Variants in DGKK observed in about 807,000 individuals in gnomAD.
The protein encoded by DGKK is diacylglycerol kinase kappa.
Under a neutral mutation model 92.2 loss-of-function variants are expected in DGKK, and 35 were observed. The ratio of observed to expected loss-of-function variants is 0.38; its 90% CI spans 0.29 to 0.50. The LOEUF is 0.50. DGKK is among the 20% of genes least tolerant of loss of function. The probability of loss-of-function intolerance (pLI) is 0.92; values close to 1 mark genes in which losing one functional copy is unlikely to be tolerated. For missense variants in DGKK, 910 were observed against 992.2 expected (o/e 0.92, Z 1.11); for synonymous variants, 368 against 360.6 (o/e 1.02, Z -0.23).
At chrX:50,415,288 C>T (rs1410994684) in intron 4 of DGKK, among the ~76,000 whole-genome samples, 4 of 112,024 alleles carry the variant, frequency 3.6e-5, no homozygotes, top group African/African-American at 1.3e-4. Flanking sequence ...TATGGGGTTA[C>T]ATCCTGATAA....
chrX:50,416,925 T>C lies in DGKK; in HGVS notation c.942+3478A>G, dbSNP rs1435824294. Among the ~76,000 whole-genome samples, 3 of 110,302 alleles carry C rather than the reference T, an allele frequency of 2.7e-5. No individual in the cohort carries two copies. The Admixed American group carries it at 2.9e-4, about 11-fold the overall frequency. ...ACAGAAAGAAGATAATTAGGAGGAA[T>C]TTACGATATCCTCCTGAGAACTTAG... On this transcript the variant is annotated intron_variant, in intron 4 of 27. Transcript: ENST00000611977.
intron 1 of DGKK, among the ~76,000 whole-genome samples, chrX:50,460,452 G>T (rs1165963968): frequency 3.6e-5 from 4 of 111,337 alleles, no homozygotes; most frequent in African/African-American, 1.3e-4. Flanking sequence ...TGGATGTGTG[G>T]GTGGGTGGGG....
At position 50,384,145 on chromosome X, in the gene DGKK, A is replaced by G. The variant is rs1055594441; in HGVS notation, c.2549+23T>C. On this transcript the variant is annotated intron_variant, in intron 17 of 27. Transcript: ENST00000611977. Reference sequence around the variant, plus strand: ...CAAGAGAAAGAAAGAAGCCATTAAAAGGTGATAGAGTTAAATACTTACATA... The same window carrying G: ...CAAGAGAAAGAAAGAAGCCATTAAAGGGTGATAGAGTTAAATACTTACATA... The G allele has an allele frequency of 2.0e-5, 20 of 988,869 alleles. No individual in the cohort carries two copies. In the African/African-American group the frequency reaches 3.9e-4, roughly 19 times the overall value. The allele number at this position is 988,869 out of a possible 1,213,427, so 81.5% of individuals were successfully genotyped here.
At chrX:50,443,201 G>A (rs142227045) in intron 1 of DGKK, among the ~76,000 whole-genome samples, 2,459 of 110,706 alleles carry the variant, frequency 0.022, 60 homozygotes, top group African/African-American at 0.075. Context: ...CAGGAGGCAG[G>A]GATCATTTGA....
chrX:50,390,235 C>T, intron 12 of DGKK, 93 bp downstream of exon 12: 1 of 811,909 alleles, frequency 1.2e-6, no homozygotes, highest in East Asian at 3.2e-5. Context: ...CATCCTCATC[C>T]ATGCACAATG....
intron 2 of DGKK, among the ~76,000 whole-genome samples, chrX:50,423,550 A>G (rs1262938062): frequency 2.7e-5 from 3 of 111,893 alleles, no homozygotes; most frequent in Non-Finnish European, 5.6e-5. Flanking sequence ...GATGACATGG[A>G]AGGAAATGGA....
At chrX:50,422,666 C>G (rs1925630405) in intron 2 of DGKK, 140 bp from the exon 3 acceptor site, 1 of 351,152 alleles carries the variant, frequency 2.8e-6, no homozygotes. Context: ...CAGTCATGAT[C>G]CAATCATTTC....
At chrX:50,420,533 T>G in intron 3 of DGKK, 26 bp from the exon 4 acceptor site, 4 of 1,171,647 alleles carry the variant, frequency 3.4e-6, no homozygotes, top group Non-Finnish European at 2.3e-6. Context: ...CATTATTAGC[T>G]GGTTCCCACT....
At chrX:50,437,014 C>T (rs782114754) in intron 1 of DGKK, among the ~76,000 whole-genome samples, 8 of 111,470 alleles carry the variant, frequency 7.2e-5, no homozygotes, top group African/African-American at 9.8e-5. Context: ...TCTTGGTTAA[C>T]GAAAGTAATA....
In DGKK at chrX:50,459,131, C is replaced by T. The variant is rs782667329; in HGVS notation, c.645+10903G>A. 1.9e-4 allele frequency among the ~76,000 whole-genome samples: 21 copies of T among 111,648 alleles called. No individual in the cohort carries two copies. The South Asian group carries it at 3.0e-3, about 16-fold the overall frequency. On this transcript the variant is annotated intron_variant, in intron 1 of 27. Coordinates refer to ENST00000611977, the MANE Select transcript of DGKK (RefSeq NM_001013742.4). Reference sequence around the variant, plus strand: ...TGTTCCATTATTTAGGTTGGAAAAGCGATAATGCATTCCCACCACATCTAA... The same window carrying T: ...TGTTCCATTATTTAGGTTGGAAAAGTGATAATGCATTCCCACCACATCTAA...
chrX:50,432,733 C>A (rs1289961952), intron 1 of DGKK, among the ~76,000 whole-genome samples: 1 of 112,171 alleles, frequency 8.9e-6, no homozygotes, highest in Non-Finnish European at 1.9e-5. Context: ...AAAACTAGTC[C>A]GCTGGGACCA....
chrX:50,393,229 G>A lies in DGKK; in HGVS notation c.1518C>T (p.Ile506=), dbSNP rs782442563. 164 of 1,207,908 alleles carry A rather than the reference G, an allele frequency of 1.4e-4. No homozygotes were observed. Among genetic ancestry groups the A allele is most frequent in the Non-Finnish European group, 1.8e-4 (159 of 893,821 alleles). The change falls in exon 9 of 28, where the codon ATC becomes ATT. Residue 506 remains isoleucine, a synonymous_variant. Coordinates refer to ENST00000611977, the MANE Select transcript of DGKK (RefSeq NM_001013742.4). The part of the protein sequence containing the change: ...INSKSGDHQG[I]VFLRKFKQYL... The stretch of plus-strand genomic sequence containing the variant: ...ATTGCTTGAATTTTCGGAGGAAGAC[G>A]ATCCCCTGATGATCGCCACTTTTGG...
At chrX:50,388,445 C>A in intron 13 of DGKK, 82 bp downstream of exon 13, 1 of 701,032 alleles carries the variant, frequency 1.4e-6, no homozygotes, top group South Asian at 2.7e-5. Flanking sequence ...TTTCCTTGGC[C>A]TCAACACCCT....
At chrX:50,372,468 T>G (rs896575357) in intron 25 of DGKK, among the ~76,000 whole-genome samples, 1 of 111,794 alleles carries the variant, frequency 8.9e-6, no homozygotes, top group Non-Finnish European at 1.9e-5. Flanking sequence ...ATTTAAAGGT[T>G]GTTTTGTGAA....
At chrX:50,440,817 G>A (rs1926153538) in intron 1 of DGKK, among the ~76,000 whole-genome samples, 1 of 111,964 alleles carries the variant, frequency 8.9e-6, no homozygotes, top group Non-Finnish European at 1.9e-5. Flanking sequence ...TCTCGATTCT[G>A]TCAGGAGCAC....
At chrX:50,469,266 G>T (rs1238310044) in intron 1 of DGKK, among the ~76,000 whole-genome samples, 2 of 111,937 alleles carry the variant, frequency 1.8e-5, no homozygotes, top group Admixed American at 9.4e-5. Flanking sequence ...ATTCCAATTG[G>T]CCCTGGTGCG....
In DGKK at chrX:50,367,888, C is replaced by T. The variant is rs782242995; in HGVS notation, c.*1052G>A. On this transcript the variant is annotated 3_prime_UTR_variant, in exon 28 of 28. Coordinates refer to ENST00000611977, the MANE Select transcript of DGKK (RefSeq NM_001013742.4). ...CCATAGATCCCAGCCACCTCTAAGA[C>T]GCTGAAAATGCACCAAAAGATTTAG... The T allele has an allele frequency of 1.1e-4, 12 of 109,775 alleles. No homozygotes were observed. Among genetic ancestry groups the T allele is most frequent in the Admixed American group, 2.9e-4 (3 of 10,321 alleles). 9.0% of individuals were successfully genotyped at this position (109,775 alleles called of 1,213,427 possible).
intron 1 of DGKK, among the ~76,000 whole-genome samples, chrX:50,466,017 C>CTTTTTTTTTTTTTTTTTTTTT (rs72090197): frequency 2.3e-5 from 1 of 42,793 alleles, no homozygotes; most frequent in African/African-American, 9.7e-5. Context: ...TTTCTTTTTT[C>CTTTTTTTTTTTTTTTTTTTTT]TTTTTTTTTT....
At chrX:50,429,707 T>C (rs782318016) in intron 1 of DGKK, among the ~76,000 whole-genome samples, 2 of 112,409 alleles carry the variant, frequency 1.8e-5, no homozygotes, top group South Asian at 7.5e-4. Context: ...AAAAGTATTC[T>C]ATGAACAGCT....
Sources: allele counts gnomAD v4.1 joint callset (sites outside exome capture counted in the v4.1 genomes callset), GRCh38; gene constraint gnomAD v4.1.1; transcripts MANE v1.5; gene names NCBI Gene and HGNC (gene_info 2026-07-23, HGNC 2026-07-21).